Variants in NRXN3 observed in about 807,000 individuals in gnomAD.
NRXN3 encodes the protein neurexin 3.
In NRXN3, 32 loss-of-function variants were observed where a neutral mutation model predicts 137.6. The ratio of observed to expected loss-of-function variants is 0.23; its 90% confidence interval spans 0.18 to 0.31. The LOEUF (loss-of-function observed/expected upper bound fraction) is 0.31, where lower values mean the gene tolerates loss of function less well. NRXN3 is among the 10% of genes least tolerant of loss of function. The pLI, the probability that NRXN3 is intolerant of heterozygous loss-of-function variation, is 1.00. For missense variants in NRXN3, 1,574 were observed against 2,062.5 expected (o/e 0.76, Z 4.59); for synonymous variants, 798 against 784.5 (o/e 1.02, Z -0.29).
chr14:79,600,946 G>GGAAA (rs973187466), intron 16 of NRXN3, among the ~76,000 whole-genome samples: 1 of 150,526 alleles, frequency 6.6e-6, no homozygotes, highest in African/African-American at 2.4e-5. Flanking sequence ...AAGGAAGGAA[G>GGAAA]GAAGTCCAAT....
rs151285031 is a variant in NRXN3 at position 78,820,103 on chromosome 14, C to G, written c.2275+9759C>G. ...TGACCTCTATGCGGTGTAGGATGTA[C>G]AGTGACCATTTGGTAAGCTAATATT... On this transcript the variant is annotated intron_variant, in intron 10 of 20. Coordinates refer to ENST00000335750, the MANE Select transcript of NRXN3 (RefSeq NM_001330195.2). Among the ~76,000 whole-genome samples, 3 of 152,100 alleles carry G rather than the reference C, an allele frequency of 2.0e-5. No individual in the cohort carries two copies. The East Asian group carries it at 5.8e-4, about 29-fold the overall frequency.
intron 4 of NRXN3, among the ~76,000 whole-genome samples, chr14:78,450,174 C>T (rs937972967): frequency 3.3e-5 from 5 of 152,132 alleles, no homozygotes; most frequent in Admixed American, 6.5e-5. Flanking sequence ...AGAGGTGTAC[C>T]GCAATATCTC....
intron 6 of NRXN3, among the ~76,000 whole-genome samples, chr14:78,683,329 A>G (rs1348052983): frequency 6.6e-6 from 1 of 152,192 alleles, no homozygotes; most frequent in African/African-American, 2.4e-5. Flanking sequence ...AAATGTGCAA[A>G]TTATCCACAG....
chr14:78,491,039 T>C (rs1382937606), intron 4 of NRXN3, among the ~76,000 whole-genome samples: 3 of 152,124 alleles, frequency 2.0e-5, no homozygotes, highest in African/African-American at 7.2e-5. Context: ...CCAAGGGTGT[T>C]TCGACCTATT....
At chr14:79,667,467 G>T (rs1175347362) in intron 17 of NRXN3, among the ~76,000 whole-genome samples, 1 of 152,140 alleles carries the variant, frequency 6.6e-6, no homozygotes, top group Middle Eastern at 3.4e-3. Flanking sequence ...GTCTTCTCAT[G>T]GGCATTTATG....
At chr14:79,132,007 G>A (rs1289095426) in intron 15 of NRXN3, among the ~76,000 whole-genome samples, 5 of 152,246 alleles carry the variant, frequency 3.3e-5, no homozygotes, top group East Asian at 1.9e-4. Flanking sequence ...TGCGCTTCCC[G>A]AGTGAGGCAA....
chr14:79,459,386 T>G (rs533252998), intron 15 of NRXN3, among the ~76,000 whole-genome samples: 7 of 152,108 alleles, frequency 4.6e-5, no homozygotes, highest in African/African-American at 1.7e-4. Context: ...GTTATTTTGG[T>G]GGGCCCTCAT....
At chr14:78,664,209 T>C (rs1260395061) in intron 6 of NRXN3, among the ~76,000 whole-genome samples, 1 of 152,172 alleles carries the variant, frequency 6.6e-6, no homozygotes, top group Non-Finnish European at 1.5e-5. Context: ...TCTCATACTT[T>C]GTAGGGAAAA....
At chr14:78,429,141 T>C (rs2093775053) in intron 4 of NRXN3, among the ~76,000 whole-genome samples, 1 of 152,022 alleles carries the variant, frequency 6.6e-6, no homozygotes, top group Non-Finnish European at 1.5e-5. Context: ...AGTGGCATAA[T>C]CTTGGCTCAC....
chr14:78,461,883 A>G (rs1053568766), intron 4 of NRXN3, among the ~76,000 whole-genome samples: 1 of 152,202 alleles, frequency 6.6e-6, no homozygotes, highest in African/African-American at 2.4e-5. Context: ...CCTAAATAAA[A>G]TGTATGCATA....
chr14:79,151,470 A>G (rs1365525470), intron 15 of NRXN3, among the ~76,000 whole-genome samples: 4 of 152,210 alleles, frequency 2.6e-5, no homozygotes, highest in South Asian at 4.1e-4. Context: ...GAACAGGGGC[A>G]GGAGGTTCCT....
chr14:79,560,231 A>G (rs2097478158), intron 16 of NRXN3, among the ~76,000 whole-genome samples: 1 of 152,140 alleles, frequency 6.6e-6, no homozygotes, highest in African/African-American at 2.4e-5. Flanking sequence ...CAGATAGGAT[A>G]GAAAGGTAAT....
chr14:78,440,101 G>T (rs1158426288), intron 4 of NRXN3, among the ~76,000 whole-genome samples: 4 of 152,238 alleles, frequency 2.6e-5, no homozygotes, highest in Non-Finnish European at 5.9e-5. Flanking sequence ...CATTTGTTTT[G>T]CTTTTATTGT....
At chr14:79,361,130 G>A (rs2093666725) in intron 15 of NRXN3, among the ~76,000 whole-genome samples, 2 of 152,146 alleles carry the variant, frequency 1.3e-5, no homozygotes, top group South Asian at 4.1e-4. Flanking sequence ...TATGTTAAAT[G>A]AAATCATTGG....
intron 10 of NRXN3, among the ~76,000 whole-genome samples, chr14:78,906,981 G>A (rs1165235072): frequency 1.3e-5 from 2 of 152,008 alleles, no homozygotes; most frequent in Non-Finnish European, 2.9e-5. Flanking sequence ...AATCTGGGCT[G>A]AGATACACTC....
chr14:78,501,204 C>A (rs945991341), intron 4 of NRXN3, among the ~76,000 whole-genome samples: 4 of 152,142 alleles, frequency 2.6e-5, no homozygotes, highest in African/African-American at 9.7e-5. Flanking sequence ...CTCAGGCATA[C>A]CCTTGCTGCG....
At chr14:78,963,359 A>AT (rs1013718613) in intron 11 of NRXN3, among the ~76,000 whole-genome samples, 2 of 151,876 alleles carry the variant, frequency 1.3e-5, no homozygotes, top group African/African-American at 2.4e-5. Context: ...CTCATCTTAG[A>AT]TTTTTTCTTT....
chr14:78,471,660 T>A (rs902167617), intron 4 of NRXN3, among the ~76,000 whole-genome samples: 1 of 152,192 alleles, frequency 6.6e-6, no homozygotes, highest in Non-Finnish European at 1.5e-5. Flanking sequence ...TTTCTCTTGA[T>A]CATTACAACA....
chr14:78,617,678 C>A (rs758131738), intron 4 of NRXN3, among the ~76,000 whole-genome samples: 1 of 151,948 alleles, frequency 6.6e-6, no homozygotes, highest in Admixed American at 6.6e-5. Flanking sequence ...GACCTGAGCT[C>A]GACCCTTCAC....
Sources: allele counts gnomAD v4.1 joint callset (sites outside exome capture counted in the v4.1 genomes callset), GRCh38; gene constraint gnomAD v4.1.1; transcripts MANE v1.5; gene names NCBI Gene and HGNC (gene_info 2026-07-23, HGNC 2026-07-21).